The following MGA variants were observed in gnomAD, a reference collection of about 807,000 sequenced individuals.
MGA encodes the protein MAX gene-associated protein.
Under a neutral mutation model 261.1 loss-of-function variants are expected in MGA, and 40 were observed. The ratio of observed to expected loss-of-function variants is 0.15; its 90% CI spans 0.12 to 0.20. MGA has a LOEUF of 0.20. Among genes scored for constraint, MGA ranks in the 10% least tolerant of loss-of-function variants. MGA has a pLI of 1.00. For synonymous variants in MGA, 1,302 were observed against 1,290.6 expected (o/e 1.01, Z -0.19); for missense variants, 3,397 against 3,630.5 (o/e 0.94, Z 1.65).
At position 41,704,242 on chromosome 15, in the gene MGA, C is replaced by T. The variant is rs557180633; in HGVS notation, c.2189-3486C>T. 2.6e-4 allele frequency among the ~76,000 whole-genome samples: 40 copies of T among 151,818 alleles called. 1 individual carries two copies. Among genetic ancestry groups the T allele is most frequent in the African/African-American group, 8.7e-4 (36 of 41,372 alleles). ...TATTTTTTTTTAGAGATGGGGTCTC[C>T]CAGTTTTGCCTAGGCTTGTCTCAAA... is the stretch of plus-strand genomic sequence containing the variant. On this transcript the variant is annotated intron_variant, in intron 5 of 23. Transcript: ENST00000219905.
Position 41,668,836 on chromosome 15 carries a change from G to C in MGA, c.-59G>C, listed in dbSNP as rs1374696648. 1 of 1,244,582 alleles carries C rather than the reference G, an allele frequency of 8.0e-7. No individual in the cohort carries two copies. The allele number at this position is 1,244,582 out of a possible 1,614,324, so 77.1% of individuals were successfully genotyped here. ...TTTTGCTTGTTTCTTAGGATGGGAA[G>C]GCCATTGTGACTATGTGGTGATTAC... On this transcript the variant is annotated 5_prime_UTR_variant, in exon 2 of 24. Transcript: ENST00000219905.
intron 15 of MGA, among the ~76,000 whole-genome samples, chr15:41,745,600 A>C (rs2062415274): frequency 6.6e-6 from 1 of 151,860 alleles, no homozygotes; most frequent in Non-Finnish European, 1.5e-5. Context: ...TAAAAAAAAT[A>C]TATATCTATA....
Position 41,743,118 on chromosome 15 carries a change from G to A in MGA, c.5158G>A (p.Val1720Ile), listed in dbSNP as rs1290566571. 2 of 1,613,370 alleles carry A rather than the reference G, an allele frequency of 1.2e-6. No individual in the cohort carries two copies. Among genetic ancestry groups the A allele is most frequent in the Non-Finnish European group, 1.7e-6 (2 of 1,179,664 alleles). Residue 1720 changes from valine to isoleucine, a missense_variant, in exon 15 of 24, where the codon GTT (valine) becomes ATT (isoleucine). This residue lies in a region of MGA where 1,410 missense variants were observed against 1,386.4 expected (regional missense o/e 1.02). Coordinates refer to ENST00000219905, the MANE Select transcript of MGA (RefSeq NM_001164273.2). ...CACACCAACTTCATCTCTGGGCTCT[G>A]TTCCTATTATACTCTCAGGAATTAA...
chr15:41,662,412 ACT>A (rs1291128941), intron 1 of MGA, among the ~76,000 whole-genome samples: 3 of 152,134 alleles, frequency 2.0e-5, no homozygotes, highest in Non-Finnish European at 4.4e-5. Flanking sequence ...AGGAGGCAGT[ACT>A]CTCTTACGCA....
At chr15:41,651,403 C>T (rs997892891) in intron 1 of MGA, among the ~76,000 whole-genome samples, 1 of 152,148 alleles carries the variant, frequency 6.6e-6, no homozygotes, top group African/African-American at 2.4e-5. Flanking sequence ...TATTGTAGTT[C>T]ATTGACTACA....
rs190676540 is a variant in MGA at position 41,767,421 on chromosome 15, G to A, written c.*141G>A. 1 of 871,574 alleles carries A rather than the reference G, an allele frequency of 1.1e-6. No homozygotes were observed. Among genetic ancestry groups the A allele is most frequent in the Non-Finnish European group, 1.7e-6 (1 of 572,336 alleles). The allele number at this position is 871,574 out of a possible 1,614,324, so 54.0% of individuals were successfully genotyped here. A position where few individuals can be genotyped will look rare whatever the true frequency, so the allele number is the denominator to read the frequency against. ...CAGTGGATAATGATGGGAGAAAGGGGGTAGGGTGCTGACCCTGGTATAAGA... is the reference window on the plus strand; with the variant it reads ...CAGTGGATAATGATGGGAGAAAGGGAGTAGGGTGCTGACCCTGGTATAAGA... On this transcript the variant is annotated 3_prime_UTR_variant, in exon 24 of 24. Transcript: ENST00000219905.
chr15:41,762,611 C>T (rs1203986286), intron 22 of MGA, among the ~76,000 whole-genome samples: 1 of 151,428 alleles, frequency 6.6e-6, no homozygotes, highest in Non-Finnish European at 1.5e-5. Context: ...GGGACTACAG[C>T]GAGCACCACC....
intron 9 of MGA, among the ~76,000 whole-genome samples, chr15:41,719,893 GA>G (rs2060847659): frequency 6.6e-6 from 1 of 152,120 alleles, no homozygotes; most frequent in African/African-American, 2.4e-5. Context: ...CGGATTAAAT[GA>G]GATTATGATA....
chr15:41,758,980 A>G (rs2063299345), intron 19 of MGA, among the ~76,000 whole-genome samples: 1 of 152,328 alleles, frequency 6.6e-6, no homozygotes, highest in South Asian at 2.1e-4. Context: ...ATTAAAATAT[A>G]GAAGACTTAA....
chr15:41,742,643 C>G lies in MGA; in HGVS notation c.4683C>G (p.Thr1561=). The change falls in exon 15 of 24, where the codon ACC becomes ACG. Residue 1561 remains threonine (T), a synonymous_variant. Transcript: ENST00000219905. ...TACCTGGAGTTAGCACACCCCAAAC[C>G]CTGGCAGGGACACAGAAGTTCAGTA... 1 of 1,613,916 alleles carries G rather than the reference C, an allele frequency of 6.2e-7. No individual in the cohort carries two copies. Among genetic ancestry groups the G allele is most frequent in the Non-Finnish European group, 8.5e-7 (1 of 1,179,878 alleles).
At chr15:41,733,922 C>CTTTCT (rs1555429013) in intron 11 of MGA, among the ~76,000 whole-genome samples, 1 of 145,256 alleles carries the variant, frequency 6.9e-6, no homozygotes, top group Non-Finnish European at 1.5e-5. Context: ...TTGTTTCTTT[C>CTTTCT]TTTTTTTTTT....
At chr15:41,680,436 T>C (rs550355874) in intron 2 of MGA, among the ~76,000 whole-genome samples, 2 of 152,312 alleles carry the variant, frequency 1.3e-5, no homozygotes, top group South Asian at 4.1e-4. Context: ...ATAGTTGGTC[T>C]CCATAGGTTG....
intron 22 of MGA, among the ~76,000 whole-genome samples, chr15:41,764,307 G>T (rs1306815903): frequency 6.9e-6 from 1 of 143,938 alleles, no homozygotes; most frequent in Admixed American, 7.1e-5. Flanking sequence ...AGGGTAGAGT[G>T]CGGTGGCGCA....
chr15:41,711,442 G>A (rs966704636), intron 8 of MGA, 93 bp downstream of exon 8: 23 of 1,304,192 alleles, frequency 1.8e-5, no homozygotes, highest in Non-Finnish European at 2.4e-5. Flanking sequence ...TTTTGGCAGG[G>A]TGATCAGCTA....
chr15:41,637,573 A>T (rs545339801), intron 1 of MGA, among the ~76,000 whole-genome samples: 1 of 152,148 alleles, frequency 6.6e-6, no homozygotes, highest in Admixed American at 6.6e-5. Flanking sequence ...ATTGTGTCCA[A>T]CGACTCCTGT....
At chr15:41,657,691 A>C (rs1020813656), upstream of MGA, among the ~76,000 whole-genome samples, 13 of 151,560 alleles carry the variant, frequency 8.6e-5, no homozygotes, top group Admixed American at 2.0e-4. Context: ...AAAACAAAAA[A>C]AAAAACAAGC....
At chr15:41,634,436 T>TA (rs1387019317) in intron 1 of MGA, among the ~76,000 whole-genome samples, 2 of 152,236 alleles carry the variant, frequency 1.3e-5, no homozygotes, top group Admixed American at 1.3e-4. Context: ...TGAATGGCTT[T>TA]ATCTCCTGTC....
chr15:41,648,895 G>C (rs1216425614), intron 1 of MGA, among the ~76,000 whole-genome samples: 1 of 152,160 alleles, frequency 6.6e-6, no homozygotes, highest in Middle Eastern at 3.2e-3. Flanking sequence ...TTACAGGAGA[G>C]AGCCAGAATG....
chr15:41,719,224 T>G (rs1453140920), intron 9 of MGA, among the ~76,000 whole-genome samples: 1 of 152,104 alleles, frequency 6.6e-6, no homozygotes, highest in Non-Finnish European at 1.5e-5. Context: ...AACTATAAGA[T>G]ATTGCTGAGA....
Sources: allele counts gnomAD v4.1 joint callset (sites outside exome capture counted in the v4.1 genomes callset), GRCh38; gene constraint gnomAD v4.1.1; regional missense constraint gnomAD v4.1.1; transcripts MANE v1.5; gene names NCBI Gene and HGNC (gene_info 2026-07-23, HGNC 2026-07-21).